Variants in RNF144B observed in about 807,000 individuals in gnomAD.
RNF144B encodes ring finger protein 144B.
In RNF144B, 25 loss-of-function variants were observed where a neutral mutation model predicts 40.2. The ratio of observed to expected loss-of-function variants is 0.62; its 90% CI spans 0.45 to 0.87. RNF144B has a LOEUF of 0.87. Among genes scored for constraint, RNF144B ranks in the 40% least tolerant of loss-of-function variants. The pLI is 0.00. For synonymous variants in RNF144B, 145 were observed against 136.3 expected, an observed-to-expected ratio of 1.06 and a Z score of -0.44; for missense variants, 365 against 373.7, an observed-to-expected ratio of 0.98 and a Z score of 0.19.
rs565138713 is a variant in RNF144B at position 18,423,011 on chromosome 6, T to A, written c.166-4570T>A. 2.0e-5 allele frequency among the ~76,000 whole-genome samples: 3 copies of A among 152,258 alleles called. No homozygotes were observed. In the South Asian group the frequency reaches 6.2e-4, roughly 32 times the overall value. Reference sequence around the variant, plus strand: ...ACCTCCTTCCTCTCAACAGTACCTATTCTCTTACCTATTCACCTCACCCTC... The same window carrying A: ...ACCTCCTTCCTCTCAACAGTACCTAATCTCTTACCTATTCACCTCACCCTC... On this transcript the variant is annotated intron_variant, in intron 2 of 7. Transcript: ENST00000259939.
rs1348995201 is a variant in RNF144B at position 18,444,999 on chromosome 6, A to G, written c.331+5255A>G. ...AGGTTTTATTCCATCAGAGCTCCCT[A>G]TGTAGTTATGTAGTTTCTTTTAGTG... On this transcript the variant is annotated intron_variant, in intron 4 of 7. Coordinates refer to ENST00000259939, the MANE Select transcript of RNF144B (RefSeq NM_182757.4). This position sits in a 1 kb window ranked among gnomAD's most constrained non-coding sequence, Gnocchi z 4.3. 2.6e-5 allele frequency among the ~76,000 whole-genome samples: 4 copies of G among 151,576 alleles called. No individual in the cohort carries two copies. Among genetic ancestry groups the G allele is most frequent in the Non-Finnish European group, 5.9e-5 (4 of 67,818 alleles).
At chr6:18,394,453 C>T (rs1019310526) in intron 1 of RNF144B, among the ~76,000 whole-genome samples, 1 of 151,990 alleles carries the variant, frequency 6.6e-6, no homozygotes, top group Non-Finnish European at 1.5e-5. Context: ...CAAAAATTAG[C>T]CCGGCGTGGT....
At position 18,465,164 on chromosome 6, in the gene RNF144B, C is replaced by T; in HGVS notation, c.*97C>T. On this transcript the variant is annotated 3_prime_UTR_variant, in exon 8 of 8. Coordinates refer to ENST00000259939, the MANE Select transcript of RNF144B (RefSeq NM_182757.4). ...GACCTTGCCTCCTTCTCCTTGCCAA[C>T]TTTGAAAGTGCCTCCGTGTCCAGAC... 7.8e-7 allele frequency: 1 copy of T among 1,290,106 alleles called. No homozygotes were observed. Among genetic ancestry groups the T allele is most frequent in the Non-Finnish European group, 1.1e-6 (1 of 926,288 alleles). The allele number at this position is 1,290,106 out of a possible 1,614,324, so 79.9% of individuals were successfully genotyped here.
At chr6:18,396,448 T>G (rs1794696015) in intron 1 of RNF144B, 1 of 982,822 alleles carries the variant, frequency 1.0e-6, no homozygotes, top group South Asian at 4.7e-5. Flanking sequence ...TGAGAAATAC[T>G]TGGATTTCTC....
chr6:18,449,265 T>C (rs1759154953), intron 4 of RNF144B, among the ~76,000 whole-genome samples: 1 of 152,240 alleles, frequency 6.6e-6, no homozygotes, highest in African/African-American at 2.4e-5. Flanking sequence ...TGGTTGCTTA[T>C]TCATAGTTCT....
rs201463718 is a variant in RNF144B at position 18,465,029 on chromosome 6, C to T, written c.874C>T (p.Arg292Trp). Residue 292 changes from arginine (R) to tryptophan (W), a missense_variant, in exon 8 of 8, where the codon CGG (arginine) becomes TGG (tryptophan). Physicochemically the swap from Arg to Trp is moderately radical, Grantham distance 101. Transcript: ENST00000259939. ...AATCTGTTGTGTCTGCAAGTCCTGT[C>T]GGGGCAAGAAGAAAAAGCACGACCC... ...CIICCVCKSCRGKKKKHDPST... is the reference protein window; with the variant it reads ...CIICCVCKSCWGKKKKHDPST... 2.5e-5 allele frequency: 41 copies of T among 1,613,702 alleles called. No homozygotes were observed. Among genetic ancestry groups the T allele is most frequent in the East Asian group, 2.2e-4 (10 of 44,832 alleles).
intron 4 of RNF144B, among the ~76,000 whole-genome samples, chr6:18,440,104 A>G (rs866351396): frequency 2.0e-5 from 3 of 152,290 alleles, no homozygotes; most frequent in South Asian, 4.1e-4. Context: ...TCACTTCGAA[A>G]CATTACCAGC....
At chr6:18,409,644 C>T (rs1049465257) in intron 2 of RNF144B, among the ~76,000 whole-genome samples, 3 of 139,444 alleles carry the variant, frequency 2.2e-5, no homozygotes, top group Non-Finnish European at 4.6e-5. Flanking sequence ...GATCTTGACT[C>T]ATTGCAACCT....
In RNF144B at chr6:18,405,126, T is replaced by C. The variant is rs1176604960; in HGVS notation, c.165+5427T>C. 6.7e-6 allele frequency among the ~76,000 whole-genome samples: 1 copy of C among 150,358 alleles called. No homozygotes were observed. Among genetic ancestry groups the C allele is most frequent in the Non-Finnish European group, 1.5e-5 (1 of 67,744 alleles). ...GTTGGTTTCTGGTACCTAAATATGC[T>C]TGCTTGCAAGGTTAGTTTTTTTCTT... is the stretch of plus-strand genomic sequence containing the variant. On this transcript the variant is annotated intron_variant, in intron 2 of 7. Transcript: ENST00000259939. This position sits in a 1 kb window ranked among gnomAD's most constrained non-coding sequence, Gnocchi z 4.5.
rs1280748379 is a variant in RNF144B at position 18,421,265 on chromosome 6, ATATAT to A, written c.166-6311_166-6307del. Among the ~76,000 whole-genome samples the A allele has an allele frequency of 1.7e-3, 239 of 136,978 alleles. 1 individual carries two copies. Among genetic ancestry groups the A allele is most frequent in the Middle Eastern group, 0.015 (4 of 274 alleles). The allele number at this position is 136,978 out of a possible 152,430, so 89.9% of individuals were successfully genotyped here. On this transcript the variant is annotated intron_variant, in intron 2 of 7. Transcript: ENST00000259939. ...AGAAACCATCTCAAAAAAAAAAATT[ATATAT>A]TATACACACACACACACACACACAC...
chr6:18,467,400 GTTTTTTTTT>G lies in RNF144B; in HGVS notation c.*2344_*2352del, dbSNP rs66505065. 9.8e-6 allele frequency: 1 copy of G among 102,274 alleles called. No individual in the cohort carries two copies. Among genetic ancestry groups the G allele is most frequent in the Non-Finnish European group, 1.9e-5 (1 of 53,418 alleles). 6.3% of individuals were successfully genotyped at this position (102,274 alleles called of 1,614,324 possible). On this transcript the variant is annotated 3_prime_UTR_variant, in exon 8 of 8. Coordinates refer to ENST00000259939, the MANE Select transcript of RNF144B (RefSeq NM_182757.4). ...TTGTATCACTGAATTAGCTGCTTTT[GTTTTTTTTT>G]TTTTTTTTTTGCCAGGGCTATGGAG...
rs937111833 is a variant in RNF144B, at chr6:18,446,569, C to T, written c.331+6825C>T. Reference sequence around the variant, plus strand: ...ACATATGCTACCATTATCTTTTTTACTATGGGAAATTGATGTACTGATGCT... The same window carrying T: ...ACATATGCTACCATTATCTTTTTTATTATGGGAAATTGATGTACTGATGCT... On this transcript the variant is annotated intron_variant, in intron 4 of 7. Coordinates refer to ENST00000259939, the MANE Select transcript of RNF144B (RefSeq NM_182757.4). This position sits in a 1 kb window ranked among gnomAD's most constrained non-coding sequence, Gnocchi z 4.7. 2.6e-5 allele frequency among the ~76,000 whole-genome samples: 4 copies of T among 152,116 alleles called. No individual in the cohort carries two copies. Among genetic ancestry groups the T allele is most frequent in the African/African-American group, 9.7e-5 (4 of 41,400 alleles).
rs11330587 is a variant in RNF144B, at chr6:18,400,272, C to CAAAA, written c.165+587_165+590dup. On this transcript the variant is annotated intron_variant, in intron 2 of 7. Transcript: ENST00000259939. The surrounding 1 kb of genome is among the most constrained non-coding windows in gnomAD (Gnocchi z 5.6). ...TGGGCGACAGAGCGAGACTCTGTCT[C>CAAAA]AAAAAAAAAAAAAAAAATTTAACAT... Among the ~76,000 whole-genome samples, 40 of 115,302 alleles carry CAAAA rather than the reference C, an allele frequency of 3.5e-4. No homozygotes were observed. Among genetic ancestry groups the CAAAA allele is most frequent in the African/African-American group, 1.3e-3 (38 of 29,630 alleles). 75.6% of individuals were successfully genotyped at this position (115,302 alleles called of 152,430 possible).
chr6:18,424,896 A>G (rs1380465501), intron 2 of RNF144B, among the ~76,000 whole-genome samples: 3 of 152,320 alleles, frequency 2.0e-5, no homozygotes, highest in East Asian at 1.9e-4. Context: ...TGGAGAAAGG[A>G]TATCTCAGAA....
Position 18,464,860 on chromosome 6 carries a change from T to C in RNF144B, c.772-67T>C. On this transcript the variant is annotated intron_variant, in intron 7 of 7. Coordinates refer to ENST00000259939, the MANE Select transcript of RNF144B (RefSeq NM_182757.4). This position sits in a 1 kb window ranked among gnomAD's most constrained non-coding sequence, Gnocchi z 6.1. ...ATTTGGCCCACAGCAGATAACAGTA[T>C]AGTTGGAATAAGTATACATATTGAA... 1.4e-6 allele frequency: 2 copies of C among 1,480,018 alleles called. No individual in the cohort carries two copies. Among genetic ancestry groups the C allele is most frequent in the Non-Finnish European group, 1.9e-6 (2 of 1,064,990 alleles). The allele number at this position is 1,480,018 out of a possible 1,614,324, so 91.7% of individuals were successfully genotyped here.
At chr6:18,390,827 G>A (rs952188514) in intron 1 of RNF144B, among the ~76,000 whole-genome samples, 2 of 152,156 alleles carry the variant, frequency 1.3e-5, no homozygotes, top group Admixed American at 1.3e-4. Context: ...TAGGAGCTGG[G>A]TTTAATCACC....
chr6:18,463,279 T>C lies in RNF144B; in HGVS notation c.682-12T>C, dbSNP rs1308942447. On this transcript the variant is annotated splice_polypyrimidine_tract_variant and intron_variant, in intron 6 of 7. Transcript: ENST00000259939. Reference sequence around the variant, plus strand: ...CTGCATATTTACTGAAATCAATCTTTTTATTTTTCAGAATGACATTTTCCT... The same window carrying C: ...CTGCATATTTACTGAAATCAATCTTCTTATTTTTCAGAATGACATTTTCCT... 1.9e-6 allele frequency: 3 copies of C among 1,545,400 alleles called. No homozygotes were observed. The highest frequency in any genetic ancestry group is 2.2e-5 in the East Asian group (1 of 44,588).
intron 1 of RNF144B, among the ~76,000 whole-genome samples, chr6:18,396,985 G>A (rs1251829214): frequency 2.0e-5 from 3 of 151,990 alleles, no homozygotes; most frequent in Non-Finnish European, 2.9e-5. Context: ...AACTTTATCC[G>A]GCATTTGCTG....
chr6:18,409,470 G>A (rs563512374), intron 2 of RNF144B, among the ~76,000 whole-genome samples: 25 of 144,810 alleles, frequency 1.7e-4, no homozygotes, highest in Non-Finnish European at 3.4e-4. Flanking sequence ...TTACCTTCTT[G>A]CCATAGGTAT....
Sources: gnomAD v4.1 joint callset for allele counts (sites outside exome capture counted in the v4.1 genomes callset) on GRCh38, gnomAD v4.1.1 for gene constraint, Gnocchi (gnomAD v3.1) non-coding constraint, MANE v1.5 for transcripts, NCBI Gene and HGNC (gene_info 2026-07-23, HGNC 2026-07-21) for gene names.